NELL1: variants seen among roughly 807,000 people sequenced by gnomAD.
NELL1 encodes the protein protein kinase C-binding protein NELL1.
Under a neutral mutation model 107.4 loss-of-function variants are expected in NELL1, and 76 were observed. That is an observed-to-expected ratio of 0.71 (90% CI 0.59 to 0.86). The LOEUF (loss-of-function observed/expected upper bound fraction) is 0.86, where lower values mean the gene tolerates loss of function less well. NELL1 is among the 40% of genes least tolerant of loss of function. The pLI, the probability that NELL1 is intolerant of heterozygous loss-of-function variation, is 0.00. For synonymous variants in NELL1, 353 were observed against 341.2 expected, an observed-to-expected ratio of 1.03 and a Z score of -0.38; for missense variants, 1,024 against 1,005.5, an observed-to-expected ratio of 1.02 and a Z score of -0.25.
At chr11:21,265,110 G>C (rs997215763) in intron 14 of NELL1, among the ~76,000 whole-genome samples, 2 of 151,942 alleles carry the variant, frequency 1.3e-5, no homozygotes, top group African/African-American at 4.8e-5. Flanking sequence ...GTAATCTTGA[G>C]TCTTCACCTG....
intron 15 of NELL1, among the ~76,000 whole-genome samples, chr11:21,518,083 T>C (rs56218921): frequency 0.13 from 20,369 of 151,530 alleles, 1,704 homozygotes; most frequent in Middle Eastern, 0.26. Context: ...CTAGTGCTTC[T>C]ATCTGTTAAG....
intron 12 of NELL1, among the ~76,000 whole-genome samples, chr11:21,067,186 G>C (rs1468742025): frequency 6.6e-6 from 1 of 151,932 alleles, no homozygotes; most frequent in Non-Finnish European, 1.5e-5. Flanking sequence ...TTGTTGCTTT[G>C]CTTTCAAATC....
chr11:21,309,288 A>ATATATGTG (rs1269347149), intron 14 of NELL1, among the ~76,000 whole-genome samples: 2,070 of 117,298 alleles, frequency 0.018, 79 homozygotes, highest in African/African-American at 0.069. Flanking sequence ...ATGTATATAT[A>ATATATGTG]TATATATATA....
intron 2 of NELL1, among the ~76,000 whole-genome samples, chr11:20,773,013 T>G (rs1291446801): frequency 6.6e-6 from 1 of 152,224 alleles, no homozygotes; most frequent in East Asian, 1.9e-4. Flanking sequence ...CTGGCTGGAC[T>G]TAGATTGGAG....
chr11:20,843,841 G>C (rs1425085223), intron 3 of NELL1, among the ~76,000 whole-genome samples: 3 of 152,006 alleles, frequency 2.0e-5, no homozygotes. Flanking sequence ...ATAGTCTCAT[G>C]AAAATCGACT....
Position 21,188,399 on chromosome 11 carries a change from G to A in NELL1, c.1427-40933G>A, listed in dbSNP as rs372574096. Among the ~76,000 whole-genome samples, 72 of 151,766 alleles carry A rather than the reference G, an allele frequency of 4.7e-4. 2 individuals are homozygous for A. Among genetic ancestry groups the A allele is most frequent in the African/African-American group, 1.6e-3 (65 of 41,162 alleles). ...ATCCACAACTCTGCAAATGTGTTTG[G>A]CTCCCATAGCAGGTTTATGTGTTGG... On this transcript the variant is annotated intron_variant, in intron 13 of 19. Coordinates refer to ENST00000357134, the MANE Select transcript of NELL1 (RefSeq NM_006157.5).
intron 4 of NELL1, among the ~76,000 whole-genome samples, chr11:20,875,383 G>C (rs1849285043): frequency 6.6e-6 from 1 of 152,000 alleles, no homozygotes; most frequent in Non-Finnish European, 1.5e-5. Context: ...CATCACACCA[G>C]CTTCAAATTT....
rs534958367 is a variant in NELL1 at position 21,050,115 on chromosome 11, A to G, written c.1301-63474A>G. ...CTTTCAGAGGCGATGAATAAAAAAT[A>G]TAAGATATAATTATCTGCCTTTGTC... On this transcript the variant is annotated intron_variant, in intron 12 of 19. Transcript: ENST00000357134. Among the ~76,000 whole-genome samples the G allele has an allele frequency of 1.1e-3, 162 of 152,318 alleles. 1 individual carries two copies. The highest frequency in any genetic ancestry group is 3.8e-3 in the African/African-American group (158 of 41,576).
intron 11 of NELL1, among the ~76,000 whole-genome samples, chr11:20,959,522 C>T (rs2134213247): frequency 6.6e-6 from 1 of 152,278 alleles, no homozygotes; most frequent in South Asian, 2.1e-4. Flanking sequence ...TCACAGCAAG[C>T]TGGGTGAGAT....
intron 12 of NELL1, among the ~76,000 whole-genome samples, chr11:20,984,112 A>G (rs999700923): frequency 2.0e-5 from 3 of 151,888 alleles, no homozygotes; most frequent in African/African-American, 7.3e-5. Context: ...GTAATTTCCA[A>G]TATGCATTCT....
intron 2 of NELL1, among the ~76,000 whole-genome samples, chr11:20,748,640 T>A (rs998899916): frequency 9.2e-5 from 14 of 152,296 alleles, no homozygotes; most frequent in African/African-American, 2.9e-4. Flanking sequence ...CTCTCACTTA[T>A]AAGTAAGAAC....
intron 12 of NELL1, among the ~76,000 whole-genome samples, chr11:21,041,590 A>G (rs1441798808): frequency 1.3e-5 from 2 of 152,204 alleles, no homozygotes. Context: ...AGTTGCTTGC[A>G]GAAGTGGGAT....
At chr11:20,884,423 G>A (rs1440927769) in intron 4 of NELL1, among the ~76,000 whole-genome samples, 2 of 152,186 alleles carry the variant, frequency 1.3e-5, no homozygotes, top group Non-Finnish European at 1.5e-5. Context: ...GAGGACTCAG[G>A]AAAGCAAGAA....
intron 15 of NELL1, among the ~76,000 whole-genome samples, chr11:21,428,826 C>T (rs1326626971): frequency 6.6e-6 from 1 of 152,096 alleles, no homozygotes; most frequent in East Asian, 1.9e-4. Context: ...TGTTAGGTGA[C>T]CTAGGAGTTC....
chr11:21,027,989 A>C (rs560030938), intron 12 of NELL1, among the ~76,000 whole-genome samples: 1 of 152,218 alleles, frequency 6.6e-6, no homozygotes, highest in African/African-American at 2.4e-5. Flanking sequence ...ACATTTTATA[A>C]AAAGTTAGGT....
At chr11:21,466,968 G>C (rs1192442408) in intron 15 of NELL1, among the ~76,000 whole-genome samples, 1 of 151,944 alleles carries the variant, frequency 6.6e-6, no homozygotes, top group African/African-American at 2.4e-5. Flanking sequence ...TCTGAGTCTA[G>C]AACCCAACTC....
chr11:21,391,091 G>A (rs1019112257), intron 15 of NELL1, among the ~76,000 whole-genome samples: 1 of 151,660 alleles, frequency 6.6e-6, no homozygotes, highest in Non-Finnish European at 1.5e-5. Flanking sequence ...ATCTGAAAAT[G>A]TTTTTATTCT....
At chr11:21,279,218 A>G (rs1375109590) in intron 14 of NELL1, among the ~76,000 whole-genome samples, 3 of 152,204 alleles carry the variant, frequency 2.0e-5, no homozygotes, top group Non-Finnish European at 2.9e-5. Flanking sequence ...TAGTATGGCA[A>G]TTATTTTTTA....
At chr11:21,428,864 A>G (rs187695473) in intron 15 of NELL1, among the ~76,000 whole-genome samples, 16 of 152,316 alleles carry the variant, frequency 1.1e-4, no homozygotes, top group Admixed American at 3.9e-4. Context: ...AGCAACATCA[A>G]GTGACTTTCT....
Sources: gnomAD v4.1 joint callset for allele counts (sites outside exome capture counted in the v4.1 genomes callset) on GRCh38, gnomAD v4.1.1 for gene constraint, MANE v1.5 for transcripts, NCBI Gene and HGNC (gene_info 2026-07-23, HGNC 2026-07-21) for gene names.